CHD1L: variants seen among roughly 807,000 people sequenced by gnomAD.
CHD1L encodes chromodomain helicase DNA binding protein 1 like.
A neutral mutation model predicts 115.9 loss-of-function variants in CHD1L; 118 were observed. The ratio of observed to expected loss-of-function variants is 1.02; its 90% CI spans 0.88 to 1.19. The LOEUF is 1.19. Among genes scored for constraint, CHD1L ranks in the 50% most tolerant of loss-of-function variants. CHD1L has a pLI of 0.00. For missense variants in CHD1L, 1,179 were observed against 1,065.3 expected (o/e 1.11, Z -1.49); for synonymous variants, 411 against 387.1 (o/e 1.06, Z -0.72).
chr1:147,233,407 G>A, the CHD1L span, among the ~76,000 whole-genome samples: 1,060 of 135,776 alleles, frequency 7.8e-3, 10 homozygotes, highest in Non-Finnish European at 0.014. Flanking sequence ...CAGCCGCCCC[G>A]TCCGGGAGGG....
intron 20 of CHD1L, among the ~76,000 whole-genome samples, chr1:147,292,244 T>C (rs1036165847): frequency 4.6e-5 from 7 of 152,370 alleles, no homozygotes; most frequent in Non-Finnish European, 1.0e-4. Context: ...GTTTCATTTC[T>C]TACTATGTGA....
At chr1:147,278,223 T>TTTTTG (rs1679317347) in intron 14 of CHD1L, among the ~76,000 whole-genome samples, 2 of 440 alleles carry the variant, frequency 4.5e-3, no homozygotes, top group Admixed American at 0.042. Context: ...GTTTTTTGGG[T>TTTTTG]TTTTTTTTTT....
At position 147,276,120 on chromosome 1, in the gene CHD1L, C is replaced by G. The variant is rs201774051; in HGVS notation, c.1402C>G (p.Arg468Gly). The change falls in exon 14 of 23, where the codon CGG becomes GGG. Residue 468 changes from arginine to glycine, a missense_variant. Arg to Gly is a moderately radical substitution (Grantham distance 125, BLOSUM62 -2). Transcript: ENST00000369258. ...TATGTCCAGGTCTGTTAAAGTTATT[C>G]GGCTGATTGGTCGAGACACTGTGGA... is the stretch of plus-strand genomic sequence containing the variant. The part of the protein sequence containing the change: ...IGQNKSVKVI[R>G]LIGRDTVEEI... 1.4e-5 allele frequency: 22 copies of G among 1,613,848 alleles called. No individual in the cohort carries two copies. Among genetic ancestry groups the G allele is most frequent in the Non-Finnish European group, 1.7e-5 (20 of 1,179,918 alleles).
the CHD1L span, among the ~76,000 whole-genome samples, chr1:147,200,924 G>C: frequency 6.6e-6 from 1 of 152,106 alleles, no homozygotes; most frequent in Non-Finnish European, 1.5e-5. Flanking sequence ...CATCAGCAAG[G>C]ATGGTGTCAA....
the CHD1L span, chr1:147,213,291 C>T: frequency 6.3e-7 from 1 of 1,591,552 alleles, no homozygotes; most frequent in Admixed American, 1.7e-5. Flanking sequence ...GGTCTTCCTT[C>T]CTGGTAAGCT....
intron 1 of CHD1L, among the ~76,000 whole-genome samples, chr1:147,251,646 C>T (rs1553936406): frequency 6.6e-6 from 1 of 152,064 alleles, no homozygotes. Context: ...CCCCCTGCCT[C>T]AGCCTCCCAA....
intron 22 of CHD1L, 149 bp downstream of exon 22, chr1:147,294,666 CT>C: frequency 1.8e-6 from 1 of 544,706 alleles, no homozygotes; most frequent in Non-Finnish European, 3.2e-6. Context: ...GAAAGAAGCA[CT>C]TTCTAACTTG....
chr1:147,176,467 A>G, the CHD1L span: 1 of 152,200 alleles, frequency 6.6e-6, no homozygotes, highest in African/African-American at 2.4e-5. Context: ...TTTAGCCAGT[A>G]TTTCTTGATA....
At chr1:147,234,172 C>T in the CHD1L span, among the ~76,000 whole-genome samples, 247 of 152,324 alleles carry the variant, frequency 1.6e-3, 1 homozygote, top group Admixed American at 4.0e-3. Context: ...ATTCTCACCA[C>T]CTGATTCTCT....
chr1:147,223,073 C>T, the CHD1L span, among the ~76,000 whole-genome samples: 1 of 152,128 alleles, frequency 6.6e-6, no homozygotes, highest in Non-Finnish European at 1.5e-5. Context: ...TATTATTATC[C>T]ACTTCTTAAA....
chr1:147,224,912 C>T, the CHD1L span: 2 of 1,614,060 alleles, frequency 1.2e-6, no homozygotes, highest in Non-Finnish European at 1.7e-6. Flanking sequence ...CTCCAGAGCC[C>T]TCCGATGTCA....
chr1:147,184,301 C>A, the CHD1L span: 1 of 473,748 alleles, frequency 2.1e-6, no homozygotes, highest in Non-Finnish European at 3.4e-6. The surrounding 1 kb of genome is among the most constrained non-coding windows in gnomAD (Gnocchi z 4.4). Flanking sequence ...ACAGCATTCT[C>A]ATGTACCCCA....
rs782625612 is a variant in CHD1L at position 147,286,492 on chromosome 1, A to G, written c.2213A>G (p.His738Arg). ...QAGAEDALIVHCVDDSGHWGR... is the reference protein window; with the variant it reads ...QAGAEDALIVRCVDDSGHWGR... The stretch of plus-strand genomic sequence containing the variant: ...GGGGCCGAGGATGCTCTCATTGTGC[A>G]CTGCGTAGGTACGAGAAGTGGTATG... The change falls in exon 18 of 23, where the codon CAC becomes CGC. Residue 738 changes from histidine (H) to arginine (R), a missense_variant. Transcript: ENST00000369258. 1 of 1,613,618 alleles carries G rather than the reference A, an allele frequency of 6.2e-7. No individual in the cohort carries two copies.
At chr1:147,216,792 C>G in the CHD1L span, among the ~76,000 whole-genome samples, 20 of 152,318 alleles carry the variant, frequency 1.3e-4, no homozygotes, top group African/African-American at 4.8e-4. Context: ...CAGGCCCCAC[C>G]TCAGACCTAC....
chr1:147,211,352 A>G, the CHD1L span: 1 of 152,216 alleles, frequency 6.6e-6, no homozygotes, highest in African/African-American at 2.4e-5. Context: ...CCTTGTTTAT[A>G]TAATTATTTT....
chr1:147,201,247 CT>C, the CHD1L span: 5 of 1,614,150 alleles, frequency 3.1e-6, no homozygotes, highest in East Asian at 1.1e-4. Flanking sequence ...AAGAGTTGGC[CT>C]TTCCAGGTTA....
intron 1 of CHD1L, among the ~76,000 whole-genome samples, chr1:147,250,474 G>T (rs1421801163): frequency 6.6e-6 from 1 of 152,074 alleles, no homozygotes; most frequent in Admixed American, 6.5e-5. Context: ...GATTGGGAAG[G>T]GGCTCCTCCA....
At chr1:147,250,415 G>T (rs1183154853) in intron 1 of CHD1L, among the ~76,000 whole-genome samples, 1 of 152,120 alleles carries the variant, frequency 6.6e-6, no homozygotes, top group East Asian at 1.9e-4. Context: ...TTAGTGCCAG[G>T]TGGGGATAGA....
In CHD1L at chr1:147,273,067, G is replaced by A. The variant is rs1354060731; in HGVS notation, c.1270+786G>A. On this transcript the variant is annotated intron_variant, in intron 12 of 22. Transcript: ENST00000369258. ...AAAATACAAAACTTAGCTGGATGTA[G>A]TGGTGCGTGCCTGTAATCCCAACTA... Among the ~76,000 whole-genome samples the A allele has an allele frequency of 8.5e-5, 13 of 152,268 alleles. No homozygotes were observed. The South Asian group carries it at 2.3e-3, about 27-fold the overall frequency.
Sources: allele counts gnomAD v4.1 joint callset (sites outside exome capture counted in the v4.1 genomes callset), GRCh38; gene constraint gnomAD v4.1.1; non-coding constraint Gnocchi (gnomAD v3.1); transcripts MANE v1.5; gene names NCBI Gene and HGNC (gene_info 2026-07-23, HGNC 2026-07-21).